ADAM15: variants seen among roughly 807,000 people sequenced by gnomAD.
ADAM15 encodes the protein disintegrin and metalloproteinase domain-containing protein 15.
A neutral mutation model predicts 113.8 loss-of-function variants in ADAM15; 77 were observed. The ratio of observed to expected loss-of-function variants is 0.68; its 90% CI spans 0.56 to 0.82. The LOEUF is 0.82. Ranked by LOEUF, ADAM15 falls within the 40% of genes least tolerant of loss-of-function variation. ADAM15 has a pLI of 0.00. For missense variants in ADAM15, 963 were observed against 1,120.1 expected (o/e 0.86, Z 2.00); for synonymous variants, 388 against 454.1 (o/e 0.85, Z 1.85).
chr1:155,062,428 TG>T lies in ADAM15; in HGVS notation c.2550-31del, dbSNP rs759721932. 274 of 1,612,912 alleles carry T rather than the reference TG, an allele frequency of 1.7e-4. No individual in the cohort carries two copies. The highest frequency in any genetic ancestry group is 1.2e-4 in the Admixed American group (7 of 59,956). On this transcript the variant is annotated intron_variant, in intron 22 of 22. Transcript: ENST00000356955. The surrounding 1 kb of genome is among the most constrained non-coding windows in gnomAD (Gnocchi z 7.0). ...GAGTGACCTGGGGGAAAGGGGCCTC[TG>T]ACTCTTTTTTCTTGGCTTCCCGCAA...
rs758332934 is a variant in ADAM15 at position 155,058,409 on chromosome 1, A to T, written c.1885A>T (p.Thr629Ser). ...CAGTGATGTGGCCCAGCCCCTCCTG[A>T]CTCTGCCTGGCACAGCCTGTGGCCC... ...LGSDVAQPLL[T>S]LPGTACGPGL... is the part of the protein sequence containing the mutation. The change falls in exon 15 of 23, where the codon ACT becomes TCT. Residue 629 changes from threonine (T) to serine (S), a missense_variant. Thr to Ser is a moderately conservative substitution (Grantham distance 58). Coordinates refer to ENST00000356955, the MANE Select transcript of ADAM15 (RefSeq NM_207197.3). The surrounding 1 kb of genome is among the most constrained non-coding windows in gnomAD (Gnocchi z 4.3). The T allele has an allele frequency of 6.2e-7, 1 of 1,613,008 alleles. No individual in the cohort carries two copies. The highest frequency in any genetic ancestry group is 1.7e-5 in the Admixed American group (1 of 60,012).
At chr1:155,052,283 G>A (rs962487305) in intron 1 of ADAM15, 46 of 561,530 alleles carry the variant, frequency 8.2e-5, no homozygotes, top group Non-Finnish European at 1.2e-4. Context: ...AGGGGAGGGT[G>A]AGCGGGCACC....
At position 155,056,460 on chromosome 1, in the gene ADAM15, G is replaced by T; in HGVS notation, c.989G>T (p.Gly330Val). ...NSICSPDFSG[G>V]VNMDHSTSIL... ...ATCTGTTCTCCTGACTTCTCAGGAG[G>T]TGTGAACATGGTGAGTTATTTCCAG... Residue 330 changes from glycine (G) to valine (V), a missense_variant, in exon 10 of 23, where the codon GGT (glycine) becomes GTT (valine). Coordinates refer to ENST00000356955, the MANE Select transcript of ADAM15 (RefSeq NM_207197.3). The surrounding 1 kb of genome is among the most constrained non-coding windows in gnomAD (Gnocchi z 4.0). 6.2e-7 allele frequency: 1 copy of T among 1,613,680 alleles called. No homozygotes were observed. Among genetic ancestry groups the T allele is most frequent in the Non-Finnish European group, 8.5e-7 (1 of 1,179,618 alleles).
At chr1:155,054,011 AT>A in intron 4 of ADAM15, 23 bp downstream of exon 4, 9 of 1,613,876 alleles carry the variant, frequency 5.6e-6, no homozygotes, top group Non-Finnish European at 7.6e-6. Context: ...CTCTTGTGCC[AT>A]TTTTGGCTTA....
intron 3 of ADAM15, 40 bp downstream of exon 3, chr1:155,053,533 A>G: frequency 1.9e-6 from 3 of 1,600,244 alleles, no homozygotes; most frequent in Non-Finnish European, 1.7e-6. Context: ...CACATGGCCA[A>G]CAACTTGTAT....
chr1:155,053,294 C>G (rs548907471), intron 2 of ADAM15, 123 bp from the exon 3 acceptor site: 2 of 893,252 alleles, frequency 2.2e-6, no homozygotes, highest in Admixed American at 1.9e-5. Context: ...GGCCCCTCCC[C>G]TGGGATCCCC....
chr1:155,061,599 G>A lies in ADAM15; in HGVS notation c.2352+110G>A. The A allele has an allele frequency of 7.3e-6, 9 of 1,230,206 alleles. No individual in the cohort carries two copies. The South Asian group carries it at 8.0e-5, about 11-fold the overall frequency. 76.2% of individuals were successfully genotyped at this position (1,230,206 alleles called of 1,614,324 possible). On this transcript the variant is annotated intron_variant, in intron 20 of 22. Coordinates refer to ENST00000356955, the MANE Select transcript of ADAM15 (RefSeq NM_207197.3). ...AGTGGTGCTCTTCATTAGGTGATCG[G>A]GGTGCCCCTCAGCCTTCAGACACTC...
At chr1:155,053,387 G>A in intron 2 of ADAM15, 30 bp from the exon 3 acceptor site, 1 of 1,609,160 alleles carries the variant, frequency 6.2e-7, no homozygotes, top group Non-Finnish European at 8.5e-7. Flanking sequence ...GACAGGTCTA[G>A]GGAGGTGACC....
chr1:155,060,401 G>T, intron 18 of ADAM15, 58 bp downstream of exon 18: 1 of 1,597,458 alleles, frequency 6.3e-7, no homozygotes, highest in Non-Finnish European at 8.6e-7. Flanking sequence ...GCTGAAGGCT[G>T]CCTCACCTCT....
intron 16 of ADAM15, among the ~76,000 whole-genome samples, chr1:155,059,225 G>A (rs1047104984): frequency 1.3e-5 from 2 of 152,064 alleles, no homozygotes; most frequent in African/African-American, 4.8e-5. Flanking sequence ...CCGCCACCAT[G>A]CCCAGCTAAT....
Position 155,062,141 on chromosome 1 carries a change from C to G in ADAM15, c.2425-104C>G. 3 of 1,447,262 alleles carry G rather than the reference C, an allele frequency of 2.1e-6. No individual in the cohort carries two copies. Among genetic ancestry groups the G allele is most frequent in the Non-Finnish European group, 2.7e-6 (3 of 1,099,382 alleles). 89.7% of individuals were successfully genotyped at this position (1,447,262 alleles called of 1,614,324 possible). ...AGGTTTGTTTGCAGACAAGGGTGAC[C>G]GCTGGTGCTGCCCCCAAGCTGGTGT... On this transcript the variant is annotated intron_variant, in intron 21 of 22. Coordinates refer to ENST00000356955, the MANE Select transcript of ADAM15 (RefSeq NM_207197.3). The surrounding 1 kb of genome is among the most constrained non-coding windows in gnomAD (Gnocchi z 7.0).
chr1:155,056,087 G>T lies in ADAM15; in HGVS notation c.752G>T (p.Arg251Leu). The T allele has an allele frequency of 1.2e-6, 2 of 1,613,182 alleles. No individual in the cohort carries two copies. Among genetic ancestry groups the T allele is most frequent in the African/African-American group, 1.3e-5 (1 of 74,964 alleles). The change falls in exon 9 of 23, where the codon CGG becomes CTG. Residue 251 changes from arginine (R) to leucine (L), a missense_variant. Transcript: ENST00000356955. This position sits in a 1 kb window ranked among gnomAD's most constrained non-coding sequence, Gnocchi z 4.0. ...EVALLLDTFF[R>L]PLNVRVALVG... ...GCCCCAGCTGTCTTTCAGTTCTTCC[G>T]GCCCCTGAATGTACGAGTGGCACTA...
At position 155,054,524 on chromosome 1, in the gene ADAM15, G is replaced by A. The variant is rs1346999118; in HGVS notation, c.612+18G>A. On this transcript the variant is annotated intron_variant, in intron 6 of 22. Coordinates refer to ENST00000356955, the MANE Select transcript of ADAM15 (RefSeq NM_207197.3). ...TTCGCCGGGTGAGGATGAATGGCAG[G>A]GGGGTGGGCTTTGGTTGTCTTGAGG... 3 of 1,546,786 alleles carry A rather than the reference G, an allele frequency of 1.9e-6. No homozygotes were observed. The highest frequency in any genetic ancestry group is 2.3e-5 in the East Asian group (1 of 43,816).
At position 155,054,190 on chromosome 1, in the gene ADAM15, G is replaced by T; in HGVS notation, c.383G>T (p.Gly128Val). The stretch of plus-strand genomic sequence containing the variant: ...CAGGGAAGAGTGCGGGGATATGCAG[G>T]CTCCTGGGTGTCCATCTGCACCTGC... ...CYQGRVRGYA[G>V]SWVSICTCSG... The change falls in exon 5 of 23, where the codon GGC (glycine) becomes GTC (valine). Residue 128 changes from glycine to valine, a missense_variant. Gly to Val is a moderately radical substitution (Grantham distance 109, BLOSUM62 -3). Transcript: ENST00000356955. 1 of 1,609,592 alleles carries T rather than the reference G, an allele frequency of 6.2e-7. No homozygotes were observed. Among genetic ancestry groups the T allele is most frequent in the Non-Finnish European group, 8.5e-7 (1 of 1,178,680 alleles).
chr1:155,061,678 C>T, intron 20 of ADAM15, 189 bp downstream of exon 20: 1 of 781,822 alleles, frequency 1.3e-6, no homozygotes, highest in Non-Finnish European at 2.0e-6. Flanking sequence ...CTACCACCAT[C>T]TGGTGGTCAA....
intron 1 of ADAM15, 51 bp downstream of exon 1, chr1:155,051,516 A>G (rs914437637): frequency 5.5e-6 from 8 of 1,466,976 alleles, no homozygotes; most frequent in Non-Finnish European, 7.2e-6. Flanking sequence ...AGGGAGGTGC[A>G]GGAAAGTCGG....
At chr1:155,053,536 A>G (rs1463886492) in intron 3 of ADAM15, 43 bp downstream of exon 3, 1 of 1,594,902 alleles carries the variant, frequency 6.3e-7, no homozygotes, top group African/African-American at 1.3e-5. Context: ...ATGGCCAACA[A>G]CTTGTATAGC....
chr1:155,051,342 C>T lies in ADAM15; in HGVS notation c.-45C>T, dbSNP rs1329548747. 1 of 1,413,460 alleles carries T rather than the reference C, an allele frequency of 7.1e-7. No individual in the cohort carries two copies. Among genetic ancestry groups the T allele is most frequent in the Non-Finnish European group, 9.3e-7 (1 of 1,079,290 alleles). 87.6% of individuals were successfully genotyped at this position (1,413,460 alleles called of 1,614,324 possible). ...TGGCCGCCGGCCGCTCCTCCGCGCG[C>T]TGTTCCGCACTTGCTGCCCTCGCCC... On this transcript the variant is annotated 5_prime_UTR_variant, in exon 1 of 23. Transcript: ENST00000356955.
intron 16 of ADAM15, 139 bp from the exon 17 acceptor site, chr1:155,059,763 A>G (rs1662310145): frequency 1.2e-6 from 1 of 867,244 alleles, no homozygotes; most frequent in Non-Finnish European, 1.9e-6. Flanking sequence ...GGTATGGATA[A>G]AGACCCTCCC....
Sources: gnomAD v4.1 joint callset for allele counts (sites outside exome capture counted in the v4.1 genomes callset) on GRCh38, gnomAD v4.1.1 for gene constraint, Gnocchi (gnomAD v3.1) non-coding constraint, MANE v1.5 for transcripts, NCBI Gene and HGNC (gene_info 2026-07-23, HGNC 2026-07-21) for gene names.